NAT1: variants seen among roughly 807,000 people sequenced by gnomAD.
NAT1 encodes the protein arylamine N-acetyltransferase 1.
For synonymous variants in NAT1, 144 were observed against 122.6 expected (o/e 1.17, Z -1.16); for missense variants, 400 against 339.2 (o/e 1.18, Z -1.41).
chr8:18,193,291 A>C (rs1311627732), intron 2 of NAT1, among the ~76,000 whole-genome samples: 1 of 149,370 alleles, frequency 6.7e-6, no homozygotes, highest in Non-Finnish European at 1.5e-5. Flanking sequence ...GTGTTGGTCA[A>C]GCTGGTCTCC....
intron 2 of NAT1, among the ~76,000 whole-genome samples, chr8:18,188,994 C>CAAAAAAAAAAAAAAAAAAAAAAA (rs55636901): frequency 7.2e-5 from 6 of 83,120 alleles, no homozygotes; most frequent in Admixed American, 1.7e-4. Flanking sequence ...GACTCCGACT[C>CAAAAAAAAAAAAAAAAAAAAAAA]AAAAAAAAAA....
At chr8:18,215,983 G>C (rs1360050900) in intron 1 of NAT1, among the ~76,000 whole-genome samples, 1 of 152,176 alleles carries the variant, frequency 6.6e-6, no homozygotes, top group East Asian at 1.9e-4. Flanking sequence ...GAAAGGATGG[G>C]ATATCGAGAA....
chr8:18,203,322 A>T (rs1200448823), intron 2 of NAT1, among the ~76,000 whole-genome samples: 1 of 152,234 alleles, frequency 6.6e-6, no homozygotes, highest in East Asian at 1.9e-4. Context: ...AATTTTGGGC[A>T]AATAAAACTA....
chr8:18,202,445 T>A (rs578106032), intron 2 of NAT1, among the ~76,000 whole-genome samples: 94 of 152,350 alleles, frequency 6.2e-4, no homozygotes, highest in African/African-American at 2.1e-3. Context: ...TTCTGGTAGG[T>A]TCTTGGTCTC....
chr8:18,174,696 G>T (rs766742431), intron 2 of NAT1, among the ~76,000 whole-genome samples: 12 of 152,102 alleles, frequency 7.9e-5, no homozygotes, highest in Middle Eastern at 3.4e-3. Context: ...GTGTAGCAGT[G>T]GTAGCAAGCA....
intron 2 of NAT1, among the ~76,000 whole-genome samples, chr8:18,200,346 A>G (rs998853852): frequency 6.6e-6 from 1 of 152,198 alleles, no homozygotes; most frequent in East Asian, 1.9e-4. Context: ...ATGGAATACT[A>G]TGCAGCCATA....
chr8:18,216,793 G>C, intron 1 of NAT1: 1 of 767,078 alleles, frequency 1.3e-6, no homozygotes. Flanking sequence ...TGGGTATGAT[G>C]AGAATTTAGA....
At chr8:18,178,469 A>T (rs1220239188) in intron 2 of NAT1, among the ~76,000 whole-genome samples, 1 of 152,146 alleles carries the variant, frequency 6.6e-6, no homozygotes, top group African/African-American at 2.4e-5. Context: ...CTTCACTCAC[A>T]GAACCTGGAT....
intron 2 of NAT1, among the ~76,000 whole-genome samples, chr8:18,197,642 T>G (rs1410453849): frequency 6.6e-6 from 1 of 152,186 alleles, no homozygotes; most frequent in African/African-American, 2.4e-5. Flanking sequence ...CTCTTAAAAC[T>G]TGGTGTGGCG....
At chr8:18,193,210 T>C (rs1203593895) in intron 2 of NAT1, among the ~76,000 whole-genome samples, 1 of 149,282 alleles carries the variant, frequency 6.7e-6, no homozygotes, top group East Asian at 2.0e-4. Context: ...CTCAAGTAGG[T>C]AGCACCACAG....
rs1368442859 is a variant in NAT1, at chr8:18,222,225, G to T, written c.178G>T (p.Val60Leu). ...LGLEAIFDQV[V>L]RRNRGGWCLQ... is the part of the protein sequence containing the mutation. ...CTTAGAGGCCATTTTTGATCAAGTT[G>T]TGAGAAGAAATCGGGGTGGATGGTG... The change falls in exon 3 of 3, where the codon GTG (valine) becomes TTG (leucine). Residue 60 changes from valine to leucine, a missense_variant. Coordinates refer to ENST00000307719, the MANE Select transcript of NAT1 (RefSeq NM_000662.8). The T allele has an allele frequency of 6.2e-7, 1 of 1,613,976 alleles. No individual in the cohort carries two copies. The highest frequency in any genetic ancestry group is 1.3e-5 in the African/African-American group (1 of 74,896).
intron 2 of NAT1, among the ~76,000 whole-genome samples, chr8:18,197,073 C>T (rs939011702): frequency 7.2e-5 from 11 of 152,050 alleles, no homozygotes; most frequent in African/African-American, 1.9e-4. Flanking sequence ...ACCTTTCACC[C>T]GATGGTTTTA....
intron 1 of NAT1, chr8:18,217,103 T>C: frequency 1.4e-6 from 1 of 737,214 alleles, no homozygotes; most frequent in Non-Finnish European, 2.2e-6. Flanking sequence ...TTCCTTTATT[T>C]GTTATATAAC....
At chr8:18,192,027 G>A (rs1479970826) in intron 2 of NAT1, among the ~76,000 whole-genome samples, 2 of 151,406 alleles carry the variant, frequency 1.3e-5, no homozygotes, top group African/African-American at 4.9e-5. Context: ...CACAGCAAAA[G>A]AAACTACCAT....
At chr8:18,195,358 A>T (rs1803187355) in intron 2 of NAT1, among the ~76,000 whole-genome samples, 1 of 152,208 alleles carries the variant, frequency 6.6e-6, no homozygotes, top group Non-Finnish European at 1.5e-5. Context: ...AGGGCTAAGG[A>T]GCCTCATTCT....
At chr8:18,179,343 G>A (rs998097752) in intron 2 of NAT1, among the ~76,000 whole-genome samples, 1 of 152,112 alleles carries the variant, frequency 6.6e-6, no homozygotes, top group African/African-American at 2.4e-5. Flanking sequence ...TGAAATAACT[G>A]ATTTTAGGGA....
At chr8:18,184,802 T>C (rs1328005203) in intron 2 of NAT1, among the ~76,000 whole-genome samples, 2 of 152,204 alleles carry the variant, frequency 1.3e-5, no homozygotes, top group Non-Finnish European at 2.9e-5. Flanking sequence ...TTCCACTTTC[T>C]GCCATATGTG....
intron 2 of NAT1, among the ~76,000 whole-genome samples, chr8:18,186,493 T>C (rs555403971): frequency 6.6e-6 from 1 of 152,108 alleles, no homozygotes; most frequent in Non-Finnish European, 1.5e-5. Flanking sequence ...TCGCTACACA[T>C]ATGTAAGTAG....
intron 2 of NAT1, among the ~76,000 whole-genome samples, chr8:18,175,781 A>C (rs1802273156): frequency 6.6e-6 from 1 of 152,092 alleles, no homozygotes; most frequent in Non-Finnish European, 1.5e-5. Context: ...TTTTTTGAGG[A>C]AACTTCATAC....
Sources: gnomAD v4.1 joint callset for allele counts (sites outside exome capture counted in the v4.1 genomes callset) on GRCh38, gnomAD v4.1.1 for gene constraint, MANE v1.5 for transcripts, NCBI Gene and HGNC (gene_info 2026-07-23, HGNC 2026-07-21) for gene names.